Variants in PDE5A observed in about 807,000 individuals in gnomAD.
PDE5A encodes cGMP-specific 3',5'-cyclic phosphodiesterase.
A neutral mutation model predicts 110.2 loss-of-function variants in PDE5A; 67 were observed. The ratio of observed to expected loss-of-function variants is 0.61; its 90% CI spans 0.50 to 0.75. The LOEUF is 0.75. Among genes scored for constraint, PDE5A ranks in the 30% least tolerant of loss-of-function variants. The pLI is 0.00. For missense variants in PDE5A, 862 were observed against 1,045.1 expected (o/e 0.82, Z 2.42); for synonymous variants, 328 against 351.2 (o/e 0.93, Z 0.74).
At position 119,542,497 on chromosome 4, in the gene PDE5A, C is replaced by G; in HGVS notation, c.1534G>C (p.Val512Leu). The change falls in exon 10 of 21, where the codon GTG (valine) becomes CTG (leucine). Residue 512 changes from valine to leucine, a missense_variant. Transcript: ENST00000354960. ...ATTTGCTTGGCCATGGCTCTCTCCA[C>G]TGCTTCATACATCTGCGTGTTCTGG... ...GIQNTQMYEAVERAMAKQMVT... is the reference protein window; with the variant it reads ...GIQNTQMYEALERAMAKQMVT... 3.1e-6 allele frequency: 5 copies of G among 1,613,978 alleles called. No homozygotes were observed. The highest frequency in any genetic ancestry group is 4.2e-6 in the Non-Finnish European group (5 of 1,179,912).
intron 12 of PDE5A, among the ~76,000 whole-genome samples, chr4:119,522,169 C>T (rs931953467): frequency 6.6e-6 from 1 of 152,028 alleles, no homozygotes; most frequent in Non-Finnish European, 1.5e-5. Flanking sequence ...CATTTTATTC[C>T]TGTTCTATTG....
chr4:119,620,141 G>A (rs1189035441), intron 1 of PDE5A, among the ~76,000 whole-genome samples: 1 of 152,178 alleles, frequency 6.6e-6, no homozygotes, highest in Non-Finnish European at 1.5e-5. Context: ...CTTTTGAGAA[G>A]CAATGGTTTA....
chr4:119,497,241 C>G lies in PDE5A; in HGVS notation c.*1360G>C, dbSNP rs143537007. 6.6e-6 allele frequency: 1 copy of G among 152,178 alleles called. No individual in the cohort carries two copies. Among genetic ancestry groups the G allele is most frequent in the African/African-American group, 2.4e-5 (1 of 41,542 alleles). 9.4% of individuals were successfully genotyped at this position (152,178 alleles called of 1,614,324 possible). ...ATCTCTCCTTCTACTCTCCCCAAAT[C>G]CAAACATTCCTGCATATTTGAAACA... is the stretch of plus-strand genomic sequence containing the variant. On this transcript the variant is annotated 3_prime_UTR_variant, in exon 21 of 21. Transcript: ENST00000354960.
Position 119,525,588 on chromosome 4 carries a change from A to G in PDE5A, c.1740T>C (p.Thr580=). Residue 580 remains threonine, a synonymous_variant, in exon 12 of 21, where the codon ACT becomes ACC. Coordinates refer to ENST00000354960, the MANE Select transcript of PDE5A (RefSeq NM_001083.4). The surrounding 1 kb of genome is among the most constrained non-coding windows in gnomAD (Gnocchi z 4.3). The part of the protein sequence containing the change: ...ETALCTIRMF[T]DLNLVQNFQM... ...GGAAGTTCTGCACAAGGTTGAGGTCAGTAAACATCCGAATTGTACACAGTG... is the reference window on the plus strand; with the variant it reads ...GGAAGTTCTGCACAAGGTTGAGGTCGGTAAACATCCGAATTGTACACAGTG... The G allele has an allele frequency of 6.2e-7, 1 of 1,613,344 alleles. No individual in the cohort carries two copies. The highest frequency in any genetic ancestry group is 1.1e-5 in the South Asian group (1 of 91,046).
At chr4:119,582,357 C>A (rs2110522836) in intron 3 of PDE5A, among the ~76,000 whole-genome samples, 1 of 152,314 alleles carries the variant, frequency 6.6e-6, no homozygotes, top group South Asian at 2.1e-4. Context: ...AATTCAGTTA[C>A]ATCTTCTGGC....
chr4:119,512,698 C>G (rs1170766037), intron 14 of PDE5A: 1 of 152,118 alleles, frequency 6.6e-6, no homozygotes, highest in African/African-American at 2.4e-5. Context: ...GTTAAACTTT[C>G]TGCCTTGGGA....
chr4:119,604,533 A>G (rs1462819183), intron 2 of PDE5A, among the ~76,000 whole-genome samples: 2 of 152,206 alleles, frequency 1.3e-5, no homozygotes, highest in African/African-American at 4.8e-5. Context: ...GGAATCTGCT[A>G]CAGTGTGAAG....
Position 119,505,227 on chromosome 4 carries a change from T to C in PDE5A, c.2267+628A>G, listed in dbSNP as rs1312292962. ...ATTTAATTCTCTACATTGAACTCTATGCTTCAGTTGGAATTTAAGTCTGTA... is the reference window on the plus strand; with the variant it reads ...ATTTAATTCTCTACATTGAACTCTACGCTTCAGTTGGAATTTAAGTCTGTA... On this transcript the variant is annotated intron_variant, in intron 17 of 20. Transcript: ENST00000354960. Among the ~76,000 whole-genome samples, 3 of 150,392 alleles carry C rather than the reference T, an allele frequency of 2.0e-5. No individual in the cohort carries two copies. In the East Asian group the frequency reaches 5.8e-4, roughly 29 times the overall value.
chr4:119,576,825 A>C (rs1728369689), intron 3 of PDE5A, among the ~76,000 whole-genome samples: 2 of 152,338 alleles, frequency 1.3e-5, no homozygotes, highest in East Asian at 3.8e-4. Context: ...GAAGGCAAGA[A>C]ATAACTAAAA....
At chr4:119,581,145 G>A (rs1019447662) in intron 3 of PDE5A, among the ~76,000 whole-genome samples, 1 of 152,216 alleles carries the variant, frequency 6.6e-6, no homozygotes, top group East Asian at 1.9e-4. Flanking sequence ...GATAATTACA[G>A]TATAGAGTGG....
chr4:119,604,082 G>C (rs2110545599), intron 2 of PDE5A, among the ~76,000 whole-genome samples: 1 of 152,160 alleles, frequency 6.6e-6, no homozygotes, highest in East Asian at 1.9e-4. Flanking sequence ...TGAAATTCTT[G>C]GGACATGAAA....
intron 4 of PDE5A, 102 bp downstream of exon 4, chr4:119,566,971 G>T: frequency 2.5e-6 from 2 of 784,426 alleles, no homozygotes; most frequent in Admixed American, 2.1e-5. Flanking sequence ...TAATTTTTTT[G>T]TGTGACCAAC....
At chr4:119,512,335 C>A (rs900533669) in intron 14 of PDE5A, 4 of 152,162 alleles carry the variant, frequency 2.6e-5, no homozygotes, top group African/African-American at 7.2e-5. Context: ...GTCTTCTTTG[C>A]TCCTTCCATA....
intron 9 of PDE5A, chr4:119,550,131 A>G (rs1039461457): frequency 5.9e-5 from 9 of 152,222 alleles, no homozygotes; most frequent in African/African-American, 2.2e-4. Flanking sequence ...ACCCTTGTAA[A>G]GCAGCAGGAA....
chr4:119,608,690 C>T (rs1410943333), intron 1 of PDE5A, among the ~76,000 whole-genome samples: 3 of 152,078 alleles, frequency 2.0e-5, no homozygotes, highest in Admixed American at 2.0e-4. Flanking sequence ...GTTGCTATAA[C>T]TGAGGATATT....
intron 3 of PDE5A, among the ~76,000 whole-genome samples, chr4:119,587,379 ATTT>A (rs5861433): frequency 3.6e-5 from 5 of 139,110 alleles, no homozygotes; most frequent in Admixed American, 7.2e-5. Context: ...ATTTTTTTGT[ATTT>A]TTTTTTTTTT....
chr4:119,558,912 G>A (rs1298480656), intron 7 of PDE5A, among the ~76,000 whole-genome samples: 1 of 43,304 alleles, frequency 2.3e-5, no homozygotes, highest in Non-Finnish European at 4.1e-5. Context: ...GCGAGACTCC[G>A]TCTCAAAAAA....
In PDE5A at chr4:119,628,512, C is replaced by G; in HGVS notation, c.152+8G>C. On this transcript the variant is annotated splice_region_variant and intron_variant, in intron 1 of 20. Transcript: ENST00000354960. ...CAGCCCCGGGTCTTCCGTGGGTCCTCTTCTTACCTGGTGGCTTTTCTAACA... is the reference window on the plus strand; with the variant it reads ...CAGCCCCGGGTCTTCCGTGGGTCCTGTTCTTACCTGGTGGCTTTTCTAACA... 1 of 1,566,564 alleles carries G rather than the reference C, an allele frequency of 6.4e-7. No homozygotes were observed. The highest frequency in any genetic ancestry group is 8.7e-7 in the Non-Finnish European group (1 of 1,151,580).
At chr4:119,521,102 A>T (rs200890014) in intron 12 of PDE5A, 42 bp from the exon 13 acceptor site, 5 of 1,584,478 alleles carry the variant, frequency 3.2e-6, no homozygotes, top group Non-Finnish European at 3.5e-6. Flanking sequence ...AATTGCCAAC[A>T]TCTTCACACA....
Sources: allele counts gnomAD v4.1 joint callset (sites outside exome capture counted in the v4.1 genomes callset), GRCh38; gene constraint gnomAD v4.1.1; non-coding constraint Gnocchi (gnomAD v3.1); transcripts MANE v1.5; gene names NCBI Gene and HGNC (gene_info 2026-07-23, HGNC 2026-07-21).